The following CDH12 variants were observed in gnomAD, a reference collection of about 807,000 sequenced individuals.
CDH12 encodes cadherin 12.
A neutral mutation model predicts 74.1 loss-of-function variants in CDH12; 41 were observed. That is an observed-to-expected ratio of 0.55 (90% CI 0.43 to 0.72). The LOEUF (loss-of-function observed/expected upper bound fraction) is 0.72, where lower values mean the gene tolerates loss of function less well. Among genes scored for constraint, CDH12 ranks in the 30% least tolerant of loss-of-function variants. The pLI is 0.00. For missense variants in CDH12, 945 were observed against 977.2 expected, an observed-to-expected ratio of 0.97 and a Z score of 0.44; for synonymous variants, 399 against 355.0, an observed-to-expected ratio of 1.12 and a Z score of -1.39.
chr5:21,880,616 C>CTTCTTTCTTTCTCT lies in CDH12; in HGVS notation c.527-25827_527-25826insAGAGAAAGAAAGAA, dbSNP rs1752258195. On this transcript the variant is annotated intron_variant, in intron 6 of 14. Transcript: ENST00000382254. ...CCTTCCTTCCTTCCTTCCTTCCTTC[C>CTTCTTTCTTTCTCT]TTCTTTCTTTCTTTCTTTCTTTCTT... Among the ~76,000 whole-genome samples the CTTCTTTCTTTCTCT allele has an allele frequency of 1.4e-3, 69 of 50,866 alleles. 2 individuals carry two copies. The highest frequency in any genetic ancestry group is 5.5e-3 in the African/African-American group (63 of 11,420). The allele number at this position is 50,866 out of a possible 152,430, so 33.4% of individuals were successfully genotyped here.
chr5:22,144,255 GA>G (rs545295745), intron 4 of CDH12: 27 of 152,182 alleles, frequency 1.8e-4, no homozygotes, highest in African/African-American at 6.5e-4. Context: ...TCTAAGATTT[GA>G]AAAACAGTAA....
In CDH12 at chr5:22,095,589, G is replaced by T. The variant is rs557568816; in HGVS notation, c.-186-16727C>A. 7.3e-5 allele frequency among the ~76,000 whole-genome samples: 11 copies of T among 151,130 alleles called. 1 individual carries two copies. The highest frequency in any genetic ancestry group is 6.6e-4 in the Admixed American group (10 of 15,158). ...GTCTCTACCCCTTCTCTGCTTTTCT[G>T]GGGGGCAAGAACCCCCCAATCCCTT... On this transcript the variant is annotated intron_variant, in intron 4 of 14. Coordinates refer to ENST00000382254, the MANE Select transcript of CDH12 (RefSeq NM_004061.5).
chr5:22,643,248 G>C (rs1739243814), intron 1 of CDH12, among the ~76,000 whole-genome samples: 1 of 152,080 alleles, frequency 6.6e-6, no homozygotes, highest in South Asian at 2.1e-4. Flanking sequence ...AATTTCAATT[G>C]TTTGCTCTGG....
Position 22,845,173 on chromosome 5 carries a change from T to A in CDH12, c.-523+7885A>T, listed in dbSNP as rs147768130. Reference sequence around the variant, plus strand: ...TTAAGTTGCAAAAACTTGTTTTTTGTAGAAGGACACTCACATTGTGTTTAT... The same window carrying A: ...TTAAGTTGCAAAAACTTGTTTTTTGAAGAAGGACACTCACATTGTGTTTAT... On this transcript the variant is annotated intron_variant, in intron 1 of 14. Coordinates refer to ENST00000382254, the MANE Select transcript of CDH12 (RefSeq NM_004061.5). 4.9e-4 allele frequency among the ~76,000 whole-genome samples: 74 copies of A among 152,292 alleles called. 1 individual carries two copies. The East Asian group carries it at 0.013, about 27-fold the overall frequency.
chr5:22,638,032 A>C (rs1157333102), intron 1 of CDH12, among the ~76,000 whole-genome samples: 5 of 152,232 alleles, frequency 3.3e-5, no homozygotes. Flanking sequence ...AACAATAATC[A>C]TAAATCATTG....
At chr5:22,666,671 C>A (rs537606925) in intron 1 of CDH12, among the ~76,000 whole-genome samples, 147 of 152,194 alleles carry the variant, frequency 9.7e-4, no homozygotes, top group African/African-American at 3.5e-3. Flanking sequence ...TAATTTGGTT[C>A]TTTCTTAATT....
chr5:22,546,697 A>T lies in CDH12; in HGVS notation c.-522-41333T>A, dbSNP rs1197586523. On this transcript the variant is annotated intron_variant, in intron 1 of 14. Transcript: ENST00000382254. Reference sequence around the variant, plus strand: ...AGTATGTCATTTCTGCATAGTAAGGAAAGAAGAATGGGCATGTTCTGTGCT... The same window carrying T: ...AGTATGTCATTTCTGCATAGTAAGGTAAGAAGAATGGGCATGTTCTGTGCT... 1.3e-5 allele frequency among the ~76,000 whole-genome samples: 2 copies of T among 152,182 alleles called. 1 individual carries two copies. Among genetic ancestry groups the T allele is most frequent in the South Asian group, 4.1e-4 (2 of 4,834 alleles).
chr5:21,916,365 T>A (rs1579957001), intron 6 of CDH12, among the ~76,000 whole-genome samples: 1 of 152,178 alleles, frequency 6.6e-6, no homozygotes, highest in African/African-American at 2.4e-5. Context: ...TGGGAAACTT[T>A]TACTTGTTTC....
intron 6 of CDH12, among the ~76,000 whole-genome samples, chr5:21,859,974 C>T (rs2150006651): frequency 6.6e-6 from 1 of 151,782 alleles, no homozygotes; most frequent in African/African-American, 2.4e-5. Flanking sequence ...CACAATTGGC[C>T]CGGACTCTTC....
At chr5:22,538,076 C>T (rs1339611366) in intron 1 of CDH12, among the ~76,000 whole-genome samples, 1 of 152,164 alleles carries the variant, frequency 6.6e-6, no homozygotes, top group Non-Finnish European at 1.5e-5. Context: ...CCATCAGCAG[C>T]ACATTCTACC....
At chr5:22,232,958 A>T (rs939580070) in intron 3 of CDH12, among the ~76,000 whole-genome samples, 1 of 150,250 alleles carries the variant, frequency 6.7e-6, no homozygotes, top group Non-Finnish European at 1.5e-5. Context: ...TCGAATAACC[A>T]TATAATTGTC....
chr5:22,438,528 T>C (rs974804212), intron 2 of CDH12, among the ~76,000 whole-genome samples: 15 of 152,054 alleles, frequency 9.9e-5, no homozygotes, highest in Non-Finnish European at 1.9e-4. Context: ...ACTTACACTG[T>C]CTAATATGGT....
At chr5:22,310,325 G>A (rs1738329050) in intron 3 of CDH12, among the ~76,000 whole-genome samples, 1 of 151,906 alleles carries the variant, frequency 6.6e-6, no homozygotes, top group East Asian at 1.9e-4. Flanking sequence ...AGCCAGACAT[G>A]ATGGCAGACA....
chr5:22,564,464 G>A (rs1013279949), intron 1 of CDH12, among the ~76,000 whole-genome samples: 1 of 152,066 alleles, frequency 6.6e-6, no homozygotes, highest in African/African-American at 2.4e-5. Flanking sequence ...TTTAATATTT[G>A]ATATTACCAA....
intron 1 of CDH12, among the ~76,000 whole-genome samples, chr5:22,506,122 C>G (rs144445121): frequency 6.6e-6 from 1 of 152,006 alleles, no homozygotes; most frequent in Non-Finnish European, 1.5e-5. Context: ...TGTTTGCCAC[C>G]GTTTCGTACT....
chr5:22,789,197 A>T (rs2126376846), intron 1 of CDH12, among the ~76,000 whole-genome samples: 1 of 152,208 alleles, frequency 6.6e-6, no homozygotes, highest in Admixed American at 6.5e-5. Context: ...AAAAGGAAAA[A>T]ACAAAATTTT....
chr5:22,440,224 GA>G (rs1172251520), intron 2 of CDH12, among the ~76,000 whole-genome samples: 2 of 151,994 alleles, frequency 1.3e-5, no homozygotes, highest in African/African-American at 4.8e-5. Context: ...ATTTTGTTCA[GA>G]TGGTTCAAAT....
chr5:22,792,349 A>G (rs1182078906), intron 1 of CDH12, among the ~76,000 whole-genome samples: 1 of 152,122 alleles, frequency 6.6e-6, no homozygotes, highest in East Asian at 1.9e-4. Context: ...TCGGCCTCCC[A>G]AAGTGCTGGG....
chr5:22,772,007 C>T (rs1746833601), intron 1 of CDH12, among the ~76,000 whole-genome samples: 1 of 151,736 alleles, frequency 6.6e-6, no homozygotes, highest in South Asian at 2.1e-4. Context: ...TTAATTAATC[C>T]TAGGGACACT....
Sources: gnomAD v4.1 joint callset for allele counts (sites outside exome capture counted in the v4.1 genomes callset) on GRCh38, gnomAD v4.1.1 for gene constraint, MANE v1.5 for transcripts, NCBI Gene and HGNC (gene_info 2026-07-23, HGNC 2026-07-21) for gene names.